The following KPNA1 variants were observed in gnomAD, a reference collection of about 807,000 sequenced individuals.
KPNA1 encodes the protein importin subunit alpha-5.
Under a neutral mutation model 70.5 loss-of-function variants are expected in KPNA1, and 10 were observed. The observed-to-expected ratio is 0.14, with a 90% CI of 0.09 to 0.24. The LOEUF (loss-of-function observed/expected upper bound fraction) is 0.24, where lower values mean the gene tolerates loss of function less well. Ranked by LOEUF, KPNA1 falls within the 10% of genes least tolerant of loss-of-function variation. The pLI is 1.00. For missense variants in KPNA1, 397 were observed against 637.9 expected, an observed-to-expected ratio of 0.62 and a Z score of 4.07; for synonymous variants, 192 against 221.9, an observed-to-expected ratio of 0.87 and a Z score of 1.20.
In KPNA1 at chr3:122,511,526, T is replaced by C. The variant is rs568561783; in HGVS notation, c.-6+3231A>G. Among the ~76,000 whole-genome samples, 15 of 152,308 alleles carry C rather than the reference T, an allele frequency of 9.8e-5. No individual in the cohort carries two copies. In the East Asian group the frequency reaches 2.7e-3, roughly 27 times the overall value. On this transcript the variant is annotated intron_variant, in intron 1 of 13. Transcript: ENST00000344337. ...TTTAAAAAAAAGAAAGAAAGAAACA[T>C]ACATTCCCACAGTCTTCATCCCTAC...
At chr3:122,455,319 G>A (rs374758410) in intron 5 of KPNA1, among the ~76,000 whole-genome samples, 3 of 152,288 alleles carry the variant, frequency 2.0e-5, no homozygotes, top group East Asian at 3.9e-4. Flanking sequence ...AGTGAGGTAA[G>A]GTGGTTTAGT....
intron 2 of KPNA1, among the ~76,000 whole-genome samples, chr3:122,472,021 T>C (rs1483585440): frequency 6.6e-6 from 1 of 152,142 alleles, no homozygotes; most frequent in Non-Finnish European, 1.5e-5. Context: ...CACCTCTCTA[T>C]CAGAAACGGC....
At chr3:122,499,569 A>G (rs111928524) in intron 1 of KPNA1, among the ~76,000 whole-genome samples, 5 of 152,210 alleles carry the variant, frequency 3.3e-5, no homozygotes, top group South Asian at 2.1e-4. Flanking sequence ...ACTGGGCAAC[A>G]TGGTGAGACT....
intron 2 of KPNA1, among the ~76,000 whole-genome samples, chr3:122,495,042 G>C (rs978998480): frequency 6.6e-6 from 1 of 152,172 alleles, no homozygotes; most frequent in African/African-American, 2.4e-5. Flanking sequence ...ACGAGGACAA[G>C]AGATCAAGAC....
rs2076278880 is a variant in KPNA1, at chr3:122,457,652, T to TC, written c.432+3571dup. The TC allele has an allele frequency of 2.3e-5, 28 of 1,202,682 alleles. No homozygotes were observed. In the South Asian group the frequency reaches 3.3e-4, roughly 14 times the overall value. 74.5% of individuals were successfully genotyped at this position (1,202,682 alleles called of 1,614,324 possible). A position where few individuals can be genotyped will look rare whatever the true frequency, so the allele number is the denominator to read the frequency against. ...GGTTTGATGTTTTCTCTCTTCCCTT[T>TC]CTTAGTCTCTACCTTCTGGCGCTCA... is the stretch of plus-strand genomic sequence containing the variant. On this transcript the variant is annotated intron_variant, in intron 5 of 13. Transcript: ENST00000344337.
chr3:122,434,015 C>T (rs1260284412), intron 11 of KPNA1, among the ~76,000 whole-genome samples: 1 of 152,096 alleles, frequency 6.6e-6, no homozygotes, highest in Non-Finnish European at 1.5e-5. Context: ...CAGCTCACTG[C>T]AGCTTCCACC....
chr3:122,445,652 T>C (rs149059897), intron 9 of KPNA1, among the ~76,000 whole-genome samples: 102 of 152,278 alleles, frequency 6.7e-4, no homozygotes, highest in African/African-American at 2.2e-3. Context: ...AATGATAAAA[T>C]GAAATTCACA....
At chr3:122,450,291 A>T (rs191559661) in intron 8 of KPNA1, among the ~76,000 whole-genome samples, 4 of 152,298 alleles carry the variant, frequency 2.6e-5, no homozygotes, top group African/African-American at 7.2e-5. Flanking sequence ...CAAACATATT[A>T]AAAAATGCAG....
rs139200613 is a variant in KPNA1 at position 122,459,945 on chromosome 3, C to T, written c.432+1279G>A. 815 of 985,372 alleles carry T rather than the reference C, an allele frequency of 8.3e-4. 2 individuals carry two copies. The African/African-American group carries it at 0.014, about 16-fold the overall frequency. The allele number at this position is 985,372 out of a possible 1,614,324, so 61.0% of individuals were successfully genotyped here. On this transcript the variant is annotated intron_variant, in intron 5 of 13. Transcript: ENST00000344337. ...ACAGTAAGGAACCTGGGGACAGGAG[C>T]TATCACTTAACAAAAATGCCCCAGT... is the stretch of plus-strand genomic sequence containing the variant.
At chr3:122,512,898 G>C (rs2076970648) in intron 1 of KPNA1, among the ~76,000 whole-genome samples, 1 of 150,980 alleles carries the variant, frequency 6.6e-6, no homozygotes, top group South Asian at 2.1e-4. Flanking sequence ...CTATTTAGTA[G>C]AGTGCTTTAC....
At chr3:122,432,082 AT>A (rs2075918268) in intron 12 of KPNA1, among the ~76,000 whole-genome samples, 1 of 152,172 alleles carries the variant, frequency 6.6e-6, no homozygotes, top group African/African-American at 2.4e-5. Context: ...GATTACAGAC[AT>A]GAGCCGCTGC....
At chr3:122,462,168 T>A (rs1383875646) in intron 4 of KPNA1, among the ~76,000 whole-genome samples, 1 of 152,148 alleles carries the variant, frequency 6.6e-6, no homozygotes, top group Non-Finnish European at 1.5e-5. Context: ...GTTAATATGC[T>A]GAGTTACAGA....
In KPNA1 at chr3:122,463,920, ACT is replaced by A. The variant is rs768091861; in HGVS notation, c.337+20_337+21del. On this transcript the variant is annotated intron_variant, in intron 4 of 13. Transcript: ENST00000344337. ...ATTTTGTAGAGAGATGAAAAAATATACTGAACATATTCATAGCTCACCTTTTG... is the reference window on the plus strand; with the variant it reads ...ATTTTGTAGAGAGATGAAAAAATATAGAACATATTCATAGCTCACCTTTTG... The A allele has an allele frequency of 1.5e-5, 20 of 1,368,142 alleles. No individual in the cohort carries two copies. The African/African-American group carries it at 2.0e-4, about 14-fold the overall frequency. 84.8% of individuals were successfully genotyped at this position (1,368,142 alleles called of 1,614,324 possible). A position where few individuals can be genotyped will look rare whatever the true frequency, so the allele number is the denominator to read the frequency against.
At chr3:122,447,335 G>A (rs959165503) in intron 9 of KPNA1, among the ~76,000 whole-genome samples, 14 of 152,064 alleles carry the variant, frequency 9.2e-5, no homozygotes, top group African/African-American at 2.7e-4. Context: ...CGATCAAGTC[G>A]GCTTCATCCC....
rs927102422 is a variant in KPNA1, at chr3:122,423,779, T to A, written c.*3206A>T. 2 of 152,650 alleles carry A rather than the reference T, an allele frequency of 1.3e-5. No individual in the cohort carries two copies. Among genetic ancestry groups the A allele is most frequent in the Non-Finnish European group, 2.9e-5 (2 of 68,030 alleles). The allele number at this position is 152,650 out of a possible 1,614,324, so 9.5% of individuals were successfully genotyped here. ...GGCAGCAATCTGGAATAATTCAGAT[T>A]TTTTATGAGATTAATTGCCAATCTT... On this transcript the variant is annotated 3_prime_UTR_variant, in exon 14 of 14. Transcript: ENST00000344337.
At position 122,437,306 on chromosome 3, in the gene KPNA1, A is replaced by C. The variant is rs902936119; in HGVS notation, c.997-11T>G. 8.2e-6 allele frequency: 13 copies of C among 1,583,216 alleles called. No homozygotes were observed. The highest frequency in any genetic ancestry group is 1.1e-5 in the Non-Finnish European group (13 of 1,166,378). On this transcript the variant is annotated splice_polypyrimidine_tract_variant and intron_variant, in intron 10 of 13. Transcript: ENST00000344337. ...GCAATTCAGAATTACCTAAAAGAAA[A>C]AGTTTGAAAATTTTACTTATTGTAT...
At chr3:122,473,808 T>C (rs1018763094) in intron 2 of KPNA1, among the ~76,000 whole-genome samples, 1 of 152,106 alleles carries the variant, frequency 6.6e-6, no homozygotes, top group Non-Finnish European at 1.5e-5. Flanking sequence ...GACAAGGAGA[T>C]TTCCTCTCAC....
intron 10 of KPNA1, among the ~76,000 whole-genome samples, chr3:122,439,495 G>A (rs987689894): frequency 3.1e-4 from 46 of 150,418 alleles, no homozygotes; most frequent in African/African-American, 1.1e-3. Context: ...TGGCCATGAT[G>A]AGGCTATTAC....
intron 12 of KPNA1, among the ~76,000 whole-genome samples, chr3:122,431,021 T>A (rs2075898210): frequency 6.6e-6 from 1 of 152,248 alleles, no homozygotes; most frequent in Admixed American, 6.5e-5. Context: ...CAATTCTCTA[T>A]ACAAATAGTA....
Sources: allele counts gnomAD v4.1 joint callset (sites outside exome capture counted in the v4.1 genomes callset), GRCh38; gene constraint gnomAD v4.1.1; transcripts MANE v1.5; gene names NCBI Gene and HGNC (gene_info 2026-07-23, HGNC 2026-07-21).